SHANK1: variants seen among roughly 807,000 people sequenced by gnomAD.
SHANK1 encodes the protein SH3 and multiple ankyrin repeat domains 1.
SHANK1 carries 35 observed loss-of-function variants against 165.6 expected under a neutral mutation model. The observed-to-expected ratio is 0.21, with a 90% CI of 0.16 to 0.28. The LOEUF (loss-of-function observed/expected upper bound fraction) is 0.28. SHANK1 is among the 10% of genes least tolerant of loss of function. The probability of loss-of-function intolerance (pLI) is 1.00; values close to 1 mark genes in which losing one functional copy is unlikely to be tolerated. For synonymous variants in SHANK1, 1,428 were observed against 1,384.8 expected (o/e 1.03, Z -0.69); for missense variants, 2,681 against 3,036.4 (o/e 0.88, Z 2.75).
chr19:50,686,514 C>T lies in SHANK1; in HGVS notation c.2459-159G>A, dbSNP rs1436280649. Among the ~76,000 whole-genome samples the T allele has an allele frequency of 6.6e-6, 1 of 152,066 alleles. No individual in the cohort carries two copies. Among genetic ancestry groups the T allele is most frequent in the Non-Finnish European group, 1.5e-5 (1 of 67,998 alleles). ...GGGTCCGGGTGGACGGGCAGTCCCG[C>T]TTGGAGACACAATCTCCCAGCCCAG... On this transcript the variant is annotated intron_variant, in intron 20 of 23. Coordinates refer to ENST00000293441, the MANE Select transcript of SHANK1 (RefSeq NM_016148.5). This position sits in a 1 kb window ranked among gnomAD's most constrained non-coding sequence, Gnocchi z 5.7.
At chr19:50,694,380 G>C (rs1205112378) in intron 15 of SHANK1, among the ~76,000 whole-genome samples, 3 of 151,002 alleles carry the variant, frequency 2.0e-5, no homozygotes, top group African/African-American at 7.3e-5. Context: ...ATGAATGGGG[G>C]GACTTGCCAA....
At position 50,688,473 on chromosome 19, in the gene SHANK1, C is replaced by T. The variant is rs12977055; in HGVS notation, c.2172+371G>A. Reference sequence around the variant, plus strand: ...AGCTGGGACCTCAGGCACACAGCACCGGCTAATTTTTTTTTTAAGAGACAG... The same window carrying T: ...AGCTGGGACCTCAGGCACACAGCACTGGCTAATTTTTTTTTTAAGAGACAG... On this transcript the variant is annotated intron_variant, in intron 17 of 23. Transcript: ENST00000293441. This position sits in a 1 kb window ranked among gnomAD's most constrained non-coding sequence, Gnocchi z 6.7. 0.049 allele frequency among the ~76,000 whole-genome samples: 7,527 copies of T among 152,190 alleles called. 264 individuals are homozygous for T. The highest frequency in any genetic ancestry group is 0.082 in the Middle Eastern group (24 of 294).
In SHANK1 at chr19:50,668,639, C is replaced by T; in HGVS notation, c.3321G>A (p.Lys1107=). The T allele has an allele frequency of 7.3e-7, 1 of 1,367,940 alleles. No individual in the cohort carries two copies. The highest frequency in any genetic ancestry group is 1.7e-5 in the South Asian group (1 of 57,372). 84.7% of individuals were successfully genotyped at this position (1,367,940 alleles called of 1,614,324 possible). The change falls in exon 23 of 24, where the codon AAG becomes AAA. Residue 1107 remains lysine, a synonymous_variant. Coordinates refer to ENST00000293441, the MANE Select transcript of SHANK1 (RefSeq NM_016148.5). The part of the protein sequence containing the change: ...YVPARSGRGR[K]GPLVKQTKVE... ...CCTTGGTCTGCTTGACCAGCGGGCCCTTGCGGCCGCGGCCCGAGCGGGCGG... is the reference window on the plus strand; with the variant it reads ...CCTTGGTCTGCTTGACCAGCGGGCCTTTGCGGCCGCGGCCCGAGCGGGCGG...
chr19:50,680,887 C>T (rs961119051), intron 21 of SHANK1, among the ~76,000 whole-genome samples: 7 of 152,154 alleles, frequency 4.6e-5, no homozygotes, highest in African/African-American at 1.7e-4. Context: ...AACTCCTGAC[C>T]TCAGGTGATC....
At chr19:50,712,762 C>T (rs1481556533) in intron 6 of SHANK1, among the ~76,000 whole-genome samples, 2 of 152,234 alleles carry the variant, frequency 1.3e-5, no homozygotes, top group South Asian at 4.1e-4. Flanking sequence ...TTTCCCCCAT[C>T]ATGGGGATGG....
intron 12 of SHANK1, among the ~76,000 whole-genome samples, chr19:50,701,538 C>T (rs1479215050): frequency 6.6e-6 from 1 of 151,994 alleles, no homozygotes; most frequent in East Asian, 1.9e-4. Context: ...AAACATTGGT[C>T]TAAGTACTTT....
intron 10 of SHANK1, 74 bp from the exon 11 acceptor site, chr19:50,703,904 G>C (rs1320865459): frequency 5.6e-6 from 4 of 709,050 alleles, no homozygotes; most frequent in Non-Finnish European, 9.2e-6. Context: ...GCGGGGGCAA[G>C]AGATGGTGGG....
At chr19:50,707,886 CTTTTCTTT>C (rs1166128618) in intron 8 of SHANK1, among the ~76,000 whole-genome samples, 216 of 17,638 alleles carry the variant, frequency 0.012, 5 homozygotes, top group South Asian at 0.021. Context: ...TTTTTCTTTT[CTTTTCTTT>C]TCTTTTCTTT....
chr19:50,695,406 G>A (rs1986706048), intron 15 of SHANK1, among the ~76,000 whole-genome samples: 1 of 149,744 alleles, frequency 6.7e-6, no homozygotes, highest in Non-Finnish European at 1.5e-5. Context: ...GAGGGGGCCG[G>A]GCAGGGGGGA....
chr19:50,691,817 C>T, intron 15 of SHANK1, among the ~76,000 whole-genome samples: 1 of 152,122 alleles, frequency 6.6e-6, no homozygotes, highest in African/African-American at 2.4e-5. Context: ...CCTAGGACTA[C>T]AGGTGCTTGC....
chr19:50,683,596 C>A (rs1340450026), intron 21 of SHANK1, among the ~76,000 whole-genome samples: 1 of 152,102 alleles, frequency 6.6e-6, no homozygotes, highest in Non-Finnish European at 1.5e-5. Flanking sequence ...CTTGGGGGAC[C>A]TTTTAAACGC....
At chr19:50,663,088 A>C in intron 23 of SHANK1, 1 of 222,672 alleles carries the variant, frequency 4.5e-6, no homozygotes, top group Non-Finnish European at 8.9e-6. Context: ...GAGAGGTTAA[A>C]TAACTTGCCT....
intron 3 of SHANK1, among the ~76,000 whole-genome samples, chr19:50,715,990 T>C (rs1245653728): frequency 6.6e-6 from 1 of 152,132 alleles, no homozygotes; most frequent in Admixed American, 6.5e-5. Context: ...ACAGGGAATG[T>C]TCTAGAGTGC....
chr19:50,668,352 G>A lies in SHANK1; in HGVS notation c.3608C>T (p.Ala1203Val), dbSNP rs1450225100. 1 of 1,259,198 alleles carries A rather than the reference G, an allele frequency of 7.9e-7. No homozygotes were observed. Among genetic ancestry groups the A allele is most frequent in the Non-Finnish European group, 1.0e-6 (1 of 1,002,728 alleles). 78.0% of individuals were successfully genotyped at this position (1,259,198 alleles called of 1,614,324 possible). Residue 1203 changes from alanine to valine, a missense_variant, in exon 23 of 24, where the codon GCC becomes GTC. Transcript: ENST00000293441. Reference sequence around the variant, plus strand: ...GGGGGACGGGGGCACGGGTGACATGGCCGGGGCGGGGCTGGGCGAGGAGCC... The same window carrying A: ...GGGGGACGGGGGCACGGGTGACATGACCGGGGCGGGGCTGGGCGAGGAGCC... ...GGGSSPSPAP[A>V]MSPVPPSPSP...
At chr19:50,691,131 T>C (rs1986525914) in intron 15 of SHANK1, among the ~76,000 whole-genome samples, 1 of 151,944 alleles carries the variant, frequency 6.6e-6, no homozygotes, top group Non-Finnish European at 1.5e-5. Context: ...AGAGAGGTGT[T>C]GGCAGAGAAG....
intron 23 of SHANK1, among the ~76,000 whole-genome samples, chr19:50,663,453 CCACTTTCAT>C (rs1323521984): frequency 6.6e-6 from 1 of 152,198 alleles, no homozygotes; most frequent in Non-Finnish European, 1.5e-5. Context: ...TGCTCCCTCT[CCACTTTCAT>C]TACTCTGCCC....
At chr19:50,683,775 C>T (rs964551612) in intron 21 of SHANK1, among the ~76,000 whole-genome samples, 3 of 152,178 alleles carry the variant, frequency 2.0e-5, no homozygotes, top group Non-Finnish European at 2.9e-5. Context: ...TTGCGCCTGT[C>T]CAAGAATAAC....
chr19:50,715,501 GTACAGCA>G lies in SHANK1; in HGVS notation c.531+151_531+157del, dbSNP rs879419464. 6.2e-3 allele frequency among the ~76,000 whole-genome samples: 935 copies of G among 151,938 alleles called. 2 individuals carry two copies. The highest frequency in any genetic ancestry group is 0.01 in the Non-Finnish European group (701 of 67,978). On this transcript the variant is annotated intron_variant, in intron 4 of 23. Coordinates refer to ENST00000293441, the MANE Select transcript of SHANK1 (RefSeq NM_016148.5). The stretch of plus-strand genomic sequence containing the variant: ...GGTATTTGTGGTTGTCTCAAATGTG[GTACAGCA>G]TCCCAAGTTAAGCGGGGGCAGTGGC...
rs199707188 is a variant in SHANK1 at position 50,688,026 on chromosome 19, G to A, written c.2205C>T (p.His735=). 122 of 1,614,084 alleles carry A rather than the reference G, an allele frequency of 7.6e-5. No individual in the cohort carries two copies. Among genetic ancestry groups the A allele is most frequent in the Middle Eastern group, 1.7e-4 (1 of 6,060 alleles). The change falls in exon 18 of 24, where the codon CAC becomes CAT. Residue 735 remains histidine, a synonymous_variant. Coordinates refer to ENST00000293441, the MANE Select transcript of SHANK1 (RefSeq NM_016148.5). This position sits in a 1 kb window ranked among gnomAD's most constrained non-coding sequence, Gnocchi z 6.7. The part of the protein sequence containing the change: ...VNGQNVVKVG[H]RQVVNMIRQG... ...GGCGGATCATGTTCACCACCTGTCG[G>A]TGGCCGACCTTCACCACATTCTGCC...
Sources: gnomAD v4.1 joint callset for allele counts (sites outside exome capture counted in the v4.1 genomes callset) on GRCh38, gnomAD v4.1.1 for gene constraint, Gnocchi (gnomAD v3.1) non-coding constraint, MANE v1.5 for transcripts, NCBI Gene and HGNC (gene_info 2026-07-23, HGNC 2026-07-21) for gene names.